MEGF11: variants seen among roughly 807,000 people sequenced by gnomAD.
MEGF11 encodes the protein multiple EGF like domains 11.
Under a neutral mutation model 146.6 loss-of-function variants are expected in MEGF11, and 126 were observed. The observed-to-expected ratio is 0.86, with a 90% CI of 0.74 to 1.00. MEGF11 has a LOEUF of 1.00. Among genes scored for constraint, MEGF11 ranks in the 50% least tolerant of loss-of-function variants. MEGF11 has a pLI of 0.00. For missense variants in MEGF11, 1,509 were observed against 1,521.2 expected (o/e 0.99, Z 0.13); for synonymous variants, 532 against 583.4 (o/e 0.91, Z 1.27).
chr15:65,964,214 C>T (rs2080973840), intron 9 of MEGF11, among the ~76,000 whole-genome samples: 4 of 152,312 alleles, frequency 2.6e-5, no homozygotes, highest in Admixed American at 2.6e-4. Context: ...TCTGCCTTCA[C>T]AGGTTCAGGC....
intron 20 of MEGF11, 167 bp downstream of exon 20, chr15:65,913,570 C>A (rs2078886244): frequency 4.6e-6 from 3 of 648,588 alleles, no homozygotes; most frequent in Non-Finnish European, 8.1e-6. Context: ...CCCTTGGAAC[C>A]CCAGATATCT....
chr15:65,924,608 G>GTGA (rs1406185191), intron 13 of MEGF11, among the ~76,000 whole-genome samples: 1 of 148,736 alleles, frequency 6.7e-6, no homozygotes, highest in Non-Finnish European at 1.5e-5. Context: ...AACAAAAGCT[G>GTGA]TGATCTGCCA....
At chr15:65,999,047 CT>C (rs35982125) in intron 5 of MEGF11, among the ~76,000 whole-genome samples, 41,103 of 143,664 alleles carry the variant, frequency 0.29, 6,456 homozygotes, top group East Asian at 0.59. Context: ...GGTGTCACTT[CT>C]TTTTTTTTTT....
intron 1 of MEGF11, among the ~76,000 whole-genome samples, chr15:66,134,460 C>T (rs978335184): frequency 6.6e-6 from 1 of 152,194 alleles, no homozygotes; most frequent in Admixed American, 6.5e-5. Flanking sequence ...ACCTGCCTGG[C>T]CCCTCCCCAC....
At chr15:65,905,768 A>G (rs914746369) in intron 24 of MEGF11, 12 of 235,780 alleles carry the variant, frequency 5.1e-5, no homozygotes, top group Non-Finnish European at 8.9e-5. Flanking sequence ...CAGATTTTAT[A>G]ATCAATTTAA....
At chr15:65,980,975 T>G (rs1344466246) in intron 6 of MEGF11, 77 bp from the exon 7 acceptor site, 1 of 1,455,454 alleles carries the variant, frequency 6.9e-7, no homozygotes, top group Non-Finnish European at 9.1e-7. Flanking sequence ...CAGGGTTCCC[T>G]AGGAATTCCT....
rs145416652 is a variant in MEGF11 at position 65,965,098 on chromosome 15, C to T, written c.922G>A (p.Gly308Arg). The change falls in exon 9 of 26, where the codon GGG becomes AGG. Residue 308 changes from glycine to arginine, a missense_variant. Coordinates refer to ENST00000395614, the MANE Select transcript of MEGF11 (RefSeq NM_001385028.1). ...TGTGAGCACTGGAAGCCGAAGGACC[C>T]GAAGGGGCACTCCTCTTGGCACCTG... ...GDRCQEECPF[G>R]SFGFQCSQHC... 4.5e-5 allele frequency: 71 copies of T among 1,594,214 alleles called. No homozygotes were observed. Among genetic ancestry groups the T allele is most frequent in the Middle Eastern group, 1.7e-4 (1 of 5,988 alleles).
intron 5 of MEGF11, among the ~76,000 whole-genome samples, chr15:66,046,722 T>C (rs895355696): frequency 2.6e-5 from 4 of 152,208 alleles, no homozygotes; most frequent in Non-Finnish European, 4.4e-5. Context: ...TGAGGAGAGA[T>C]GCAGCCCCTG....
At chr15:66,103,593 G>T (rs974036155) in intron 4 of MEGF11, among the ~76,000 whole-genome samples, 1 of 152,140 alleles carries the variant, frequency 6.6e-6, no homozygotes, top group Admixed American at 6.5e-5. Flanking sequence ...AGAGGAGAAG[G>T]CAAAGGAGGA....
intron 1 of MEGF11, among the ~76,000 whole-genome samples, chr15:66,166,892 G>A (rs112482904): frequency 5.3e-5 from 8 of 152,120 alleles, no homozygotes; most frequent in Admixed American, 4.6e-4. Context: ...TAAAGGTTTC[G>A]ATTCTTACAG....
intron 13 of MEGF11, among the ~76,000 whole-genome samples, chr15:65,925,848 T>C (rs933184448): frequency 1.3e-5 from 2 of 152,160 alleles, no homozygotes; most frequent in Non-Finnish European, 2.9e-5. Flanking sequence ...CAGGAAGCCT[T>C]CTTGGATGTC....
At chr15:66,210,019 T>A (rs1056985185) in intron 1 of MEGF11, among the ~76,000 whole-genome samples, 10 of 151,992 alleles carry the variant, frequency 6.6e-5, no homozygotes, top group African/African-American at 2.4e-4. Flanking sequence ...AGAGATGAGG[T>A]CTCTCTATGT....
Position 66,065,827 on chromosome 15 carries a change from C to T in MEGF11, c.394+28575G>A, listed in dbSNP as rs182102822. On this transcript the variant is annotated intron_variant, in intron 5 of 25. Transcript: ENST00000395614. ...CACTGTGGAGGGTATTTAAGGAGGGCCCGGCGAAGTGGGGGAGCAGTGGGG... is the reference window on the plus strand; with the variant it reads ...CACTGTGGAGGGTATTTAAGGAGGGTCCGGCGAAGTGGGGGAGCAGTGGGG... Among the ~76,000 whole-genome samples, 551 of 152,236 alleles carry T rather than the reference C, an allele frequency of 3.6e-3. 5 individuals carry two copies. Among genetic ancestry groups the T allele is most frequent in the African/African-American group, 0.013 (537 of 41,534 alleles).
At chr15:66,197,424 T>G (rs2091035079) in intron 1 of MEGF11, among the ~76,000 whole-genome samples, 1 of 152,082 alleles carries the variant, frequency 6.6e-6, no homozygotes, top group Non-Finnish European at 1.5e-5. Context: ...TTTTGTTGTT[T>G]TTGTTTTTTG....
At chr15:65,920,930 C>G (rs1430008021) in intron 15 of MEGF11, among the ~76,000 whole-genome samples, 1 of 152,216 alleles carries the variant, frequency 6.6e-6, no homozygotes, top group African/African-American at 2.4e-5. Context: ...TAATTTAGAC[C>G]TAGACTATCT....
chr15:66,046,151 C>T (rs2084195301), intron 5 of MEGF11, among the ~76,000 whole-genome samples: 3 of 152,152 alleles, frequency 2.0e-5, no homozygotes, highest in African/African-American at 4.8e-5. Flanking sequence ...AACTGAGGCT[C>T]AGAAAGGTGA....
chr15:66,155,970 T>C (rs1463365229), intron 1 of MEGF11, among the ~76,000 whole-genome samples: 1 of 152,140 alleles, frequency 6.6e-6, no homozygotes, highest in Admixed American at 6.5e-5. Context: ...CACCGACCCA[T>C]CAGCCTGGGA....
intron 13 of MEGF11, 42 bp from the exon 14 acceptor site, chr15:65,923,011 G>A: frequency 6.3e-7 from 1 of 1,597,468 alleles, no homozygotes; most frequent in Non-Finnish European, 8.5e-7. Flanking sequence ...TAAGAGAGGT[G>A]AGGATGAAGG....
Position 65,916,295 on chromosome 15 carries a change from C to A in MEGF11, c.2216-19G>T. 1 of 1,549,506 alleles carries A rather than the reference C, an allele frequency of 6.5e-7. No homozygotes were observed. Among genetic ancestry groups the A allele is most frequent in the African/African-American group, 1.4e-5 (1 of 73,330 alleles). On this transcript the variant is annotated intron_variant, in intron 17 of 25. Coordinates refer to ENST00000395614, the MANE Select transcript of MEGF11 (RefSeq NM_001385028.1). ...GGGCAGCCTAGAGAAACAGGATTTC[C>A]AGTCACGAGAGTTGCTGCTGGGTGG...
Sources: gnomAD v4.1 joint callset for allele counts (sites outside exome capture counted in the v4.1 genomes callset) on GRCh38, gnomAD v4.1.1 for gene constraint, MANE v1.5 for transcripts, NCBI Gene and HGNC (gene_info 2026-07-23, HGNC 2026-07-21) for gene names.